PMFBP1: variants seen among roughly 807,000 people sequenced by gnomAD.
The protein encoded by PMFBP1 is polyamine modulated factor 1 binding protein 1.
In PMFBP1, 131 loss-of-function variants were observed where a neutral mutation model predicts 137.8. The ratio of observed to expected loss-of-function variants is 0.95; its 90% CI spans 0.82 to 1.10. The LOEUF (loss-of-function observed/expected upper bound fraction) is 1.10, where lower values mean the gene tolerates loss of function less well. Among genes scored for constraint, PMFBP1 ranks in the 50% least tolerant of loss-of-function variants. The probability of loss-of-function intolerance (pLI) is 0.00; values close to 1 mark genes in which losing one functional copy is unlikely to be tolerated. For synonymous variants in PMFBP1, 490 were observed against 450.4 expected (o/e 1.09, Z -1.11); for missense variants, 1,199 against 1,175.4 (o/e 1.02, Z -0.29).
chr16:72,163,024 G>A (rs2043087301), intron 3 of PMFBP1, among the ~76,000 whole-genome samples: 1 of 152,228 alleles, frequency 6.6e-6, no homozygotes, highest in South Asian at 2.1e-4. Flanking sequence ...GGAACAATTT[G>A]TGGTTTCAAT....
upstream of PMFBP1, among the ~76,000 whole-genome samples, chr16:72,176,643 CT>C (rs2043260434): frequency 1.3e-5 from 2 of 152,182 alleles, no homozygotes; most frequent in Admixed American, 1.3e-4. Context: ...AACATGAGGC[CT>C]TAATGCTATG....
chr16:72,225,437 C>T, the PMFBP1 span, among the ~76,000 whole-genome samples: 1 of 152,048 alleles, frequency 6.6e-6, no homozygotes, highest in Admixed American at 6.5e-5. Flanking sequence ...TGCCTATAAT[C>T]CCAGCAGTTA....
At chr16:72,185,536 C>G in the PMFBP1 span, among the ~76,000 whole-genome samples, 2 of 152,124 alleles carry the variant, frequency 1.3e-5, no homozygotes, top group Admixed American at 6.6e-5. Context: ...AAAGCCTTCT[C>G]TGAATCCCCA....
chr16:72,171,262 T>C lies in PMFBP1; in HGVS notation c.-54A>G. 1 of 1,591,992 alleles carries C rather than the reference T, an allele frequency of 6.3e-7. No individual in the cohort carries two copies. The highest frequency in any genetic ancestry group is 8.6e-7 in the Non-Finnish European group (1 of 1,161,752). ...ACCTTTAGTATTTTCTGAGCTTTGTTATAAACCTGAAAAAGTCCAAGTATT... is the reference window on the plus strand; with the variant it reads ...ACCTTTAGTATTTTCTGAGCTTTGTCATAAACCTGAAAAAGTCCAAGTATT... On this transcript the variant is annotated 5_prime_UTR_variant, in exon 2 of 21. In the 5' UTR this introduces an upstream ATG that the reference lacks. Transcript: ENST00000237353.
chr16:72,214,766 A>T, the PMFBP1 span, among the ~76,000 whole-genome samples: 2 of 152,204 alleles, frequency 1.3e-5, no homozygotes, highest in African/African-American at 2.4e-5. Flanking sequence ...ACATTATAAG[A>T]GATGTCAGCA....
At chr16:72,129,856 CT>C (rs948119375) in intron 12 of PMFBP1, among the ~76,000 whole-genome samples, 1 of 151,516 alleles carries the variant, frequency 6.6e-6, no homozygotes, top group Non-Finnish European at 1.5e-5. Flanking sequence ...TAATCTTTTT[CT>C]TTTTTTTGAG....
intron 6 of PMFBP1, 130 bp downstream of exon 6, chr16:72,140,282 C>T (rs2042696684): frequency 1.1e-6 from 1 of 914,276 alleles, no homozygotes. Context: ...AGTTGGGGGG[C>T]AAGTATATAT....
the PMFBP1 span, among the ~76,000 whole-genome samples, chr16:72,231,251 C>G: frequency 2.6e-5 from 4 of 152,230 alleles, no homozygotes; most frequent in South Asian, 8.3e-4. Flanking sequence ...TTGATAATTC[C>G]AGGAACCAAA....
upstream of PMFBP1, among the ~76,000 whole-genome samples, chr16:72,175,107 T>C (rs2043253547): frequency 6.6e-6 from 1 of 152,234 alleles, no homozygotes; most frequent in African/African-American, 2.4e-5. Flanking sequence ...TGAAAGGTAT[T>C]GAGAGAAAGA....
chr16:72,132,702 AG>A, intron 10 of PMFBP1, 45 bp downstream of exon 10: 4 of 1,612,622 alleles, frequency 2.5e-6, no homozygotes, highest in Non-Finnish European at 3.4e-6. Flanking sequence ...GGGCTGCTCT[AG>A]CCCCACAGAA....
At chr16:72,205,059 G>A in the PMFBP1 span, among the ~76,000 whole-genome samples, 1 of 152,204 alleles carries the variant, frequency 6.6e-6, no homozygotes, top group East Asian at 1.9e-4. Flanking sequence ...CAGGATGACA[G>A]GCCAGGACAC....
rs1388888261 is a variant in PMFBP1 at position 72,159,181 on chromosome 16, T to C, written c.166-4722A>G. Reference sequence around the variant, plus strand: ...GAAGAATGAGAGAAATGCTCTTCTTTTAAAAGAAGTCAAACTCTCTCTCTC... The same window carrying C: ...GAAGAATGAGAGAAATGCTCTTCTTCTAAAAGAAGTCAAACTCTCTCTCTC... On this transcript the variant is annotated intron_variant, in intron 3 of 20. Coordinates refer to ENST00000237353, the MANE Select transcript of PMFBP1 (RefSeq NM_031293.3). Among the ~76,000 whole-genome samples, 12 of 152,218 alleles carry C rather than the reference T, an allele frequency of 7.9e-5. No homozygotes were observed. In the East Asian group the frequency reaches 2.3e-3, roughly 29 times the overall value.
chr16:72,196,961 G>A, the PMFBP1 span, among the ~76,000 whole-genome samples: 1 of 152,306 alleles, frequency 6.6e-6, no homozygotes, highest in African/African-American at 2.4e-5. Flanking sequence ...AGATTCTCAG[G>A]TCTCTGCCCT....
At chr16:72,244,157 A>G in the PMFBP1 span, among the ~76,000 whole-genome samples, 1 of 152,224 alleles carries the variant, frequency 6.6e-6, no homozygotes, top group Non-Finnish European at 1.5e-5. Flanking sequence ...TTTGCAAATT[A>G]AAGTGATCAC....
chr16:72,195,794 G>T, the PMFBP1 span, among the ~76,000 whole-genome samples: 1 of 152,258 alleles, frequency 6.6e-6, no homozygotes, highest in East Asian at 1.9e-4. Context: ...CACAAAGGCT[G>T]CGGCCTGAGC....
chr16:72,127,587 A>G (rs113583584), intron 14 of PMFBP1, among the ~76,000 whole-genome samples: 21 of 152,358 alleles, frequency 1.4e-4, no homozygotes, highest in Admixed American at 3.3e-4. Flanking sequence ...TTTTGCTAAC[A>G]TGAGTGGTTT....
chr16:72,167,039 AC>A (rs1319091400), intron 2 of PMFBP1, among the ~76,000 whole-genome samples: 1 of 152,138 alleles, frequency 6.6e-6, no homozygotes, highest in African/African-American at 2.4e-5. Flanking sequence ...TATCCAACTG[AC>A]TGGTCTGTCT....
chr16:72,133,816 CTGGGTAAGGTCTCAGGAGTTGGGAGAG>C (rs2042584880), intron 9 of PMFBP1, among the ~76,000 whole-genome samples: 1 of 152,154 alleles, frequency 6.6e-6, no homozygotes. Flanking sequence ...CAGCAGACTC[CTGGGTAAGGTCTCAGGAGTTGGGAGAG>C]TGGTGAGAAG....
chr16:72,179,854 T>C (rs1434271375), upstream of PMFBP1, among the ~76,000 whole-genome samples: 3 of 152,202 alleles, frequency 2.0e-5, no homozygotes, highest in African/African-American at 7.2e-5. Context: ...TGCCAGATGT[T>C]GCCATTAGGA....
Sources: gnomAD v4.1 joint callset for allele counts (sites outside exome capture counted in the v4.1 genomes callset) on GRCh38, gnomAD v4.1.1 for gene constraint, MANE v1.5 for transcripts, NCBI Gene and HGNC (gene_info 2026-07-23, HGNC 2026-07-21) for gene names.